NEGR1: variants seen among roughly 807,000 people sequenced by gnomAD.
NEGR1 encodes the protein neuronal growth regulator 1, also known as IgLON family member 4.
In NEGR1, 10 loss-of-function variants were observed where a neutral mutation model predicts 40.9. The ratio of observed to expected loss-of-function variants is 0.24; its 90% CI spans 0.15 to 0.42. NEGR1 has a LOEUF of 0.42. Among genes scored for constraint, NEGR1 ranks in the 10% least tolerant of loss-of-function variants. The pLI, the probability that NEGR1 is intolerant of heterozygous loss-of-function variation, is 1.00. For missense variants in NEGR1, 352 were observed against 438.9 expected (o/e 0.80, Z 1.77); for synonymous variants, 185 against 166.8 (o/e 1.11, Z -0.84).
intron 4 of NEGR1, among the ~76,000 whole-genome samples, chr1:71,683,418 T>G (rs561667288): frequency 3.9e-4 from 56 of 141,786 alleles, no homozygotes; most frequent in African/African-American, 1.5e-3. Context: ...GGTTCTCATT[T>G]CAATTAATTT....
chr1:71,397,782 G>A lies in NEGR1; in HGVS notation c.*9664C>T, dbSNP rs1389817633. 2 of 152,236 alleles carry A rather than the reference G, an allele frequency of 1.3e-5. No individual in the cohort carries two copies. The highest frequency in any genetic ancestry group is 1.3e-4 in the Admixed American group (2 of 15,280). The allele number at this position is 152,236 out of a possible 1,614,324, so 9.4% of individuals were successfully genotyped here. ...GGAGCTGAATGTCACCAAGACAGTGGGGAATATGTCTCCAGGGCACGTCAG... is the reference window on the plus strand; with the variant it reads ...GGAGCTGAATGTCACCAAGACAGTGAGGAATATGTCTCCAGGGCACGTCAG... On this transcript the variant is annotated 3_prime_UTR_variant, in exon 7 of 7. Coordinates refer to ENST00000357731, the MANE Select transcript of NEGR1 (RefSeq NM_173808.3).
chr1:71,785,681 T>C (rs1179158139), intron 2 of NEGR1, among the ~76,000 whole-genome samples: 1 of 152,176 alleles, frequency 6.6e-6, no homozygotes, highest in Non-Finnish European at 1.5e-5. Context: ...GGCAGTGAAC[T>C]ATTTTCCCTA....
intron 1 of NEGR1, among the ~76,000 whole-genome samples, chr1:71,949,705 C>T (rs1646052152): frequency 6.6e-6 from 1 of 152,064 alleles, no homozygotes; most frequent in Non-Finnish European, 1.5e-5. Context: ...ACAGCAATCT[C>T]TGGATTTCCT....
chr1:71,577,196 T>C (rs949408548), intron 6 of NEGR1, among the ~76,000 whole-genome samples: 2 of 152,236 alleles, frequency 1.3e-5, no homozygotes, highest in Non-Finnish European at 2.9e-5. Context: ...TCTCAGAATA[T>C]TCCTGCCTTT....
intron 4 of NEGR1, among the ~76,000 whole-genome samples, chr1:71,613,543 G>A (rs1268480373): frequency 6.6e-6 from 1 of 151,944 alleles, no homozygotes; most frequent in Non-Finnish European, 1.5e-5. Flanking sequence ...GCTGAAGCGG[G>A]AGGCTTGGGA....
intron 6 of NEGR1, among the ~76,000 whole-genome samples, chr1:71,561,551 T>C (rs1359403398): frequency 1.3e-5 from 2 of 151,758 alleles, no homozygotes; most frequent in Admixed American, 6.6e-5. Flanking sequence ...TTTGAAGAGA[T>C]AATTGCAAAA....
chr1:71,508,738 C>T (rs1015321573), intron 6 of NEGR1, among the ~76,000 whole-genome samples: 2 of 152,096 alleles, frequency 1.3e-5, no homozygotes, highest in South Asian at 2.1e-4. Flanking sequence ...ACAGTAAACA[C>T]GGGGTGGGTA....
Position 71,696,096 on chromosome 1 carries a change from CT to C in NEGR1, c.667+1911del, listed in dbSNP as rs951726081. On this transcript the variant is annotated intron_variant, in intron 4 of 6. Transcript: ENST00000357731. Reference sequence around the variant, plus strand: ...GTCTTTGTCCACTGTATCCATGAAACTGCTGTAGACTCTTCAGCGTTCCTGG... The same window carrying C: ...GTCTTTGTCCACTGTATCCATGAAACGCTGTAGACTCTTCAGCGTTCCTGG... Among the ~76,000 whole-genome samples, 5 of 151,700 alleles carry C rather than the reference CT, an allele frequency of 3.3e-5. No homozygotes were observed. The Admixed American group carries it at 3.3e-4, about 10-fold the overall frequency.
At chr1:71,988,580 G>T (rs1441714301) in intron 1 of NEGR1, among the ~76,000 whole-genome samples, 1 of 145,996 alleles carries the variant, frequency 6.8e-6, no homozygotes, top group African/African-American at 2.5e-5. Context: ...GAGTAAAGGA[G>T]AGAAATAAGA....
chr1:71,971,566 G>A (rs1646256901), intron 1 of NEGR1, among the ~76,000 whole-genome samples: 1 of 152,150 alleles, frequency 6.6e-6, no homozygotes, highest in Non-Finnish European at 1.5e-5. Context: ...AAGTGCTGTT[G>A]TAAGTTAAAG....
At chr1:71,899,380 G>T (rs538156284) in intron 2 of NEGR1, among the ~76,000 whole-genome samples, 1 of 152,130 alleles carries the variant, frequency 6.6e-6, no homozygotes, top group South Asian at 2.1e-4. Flanking sequence ...AGATGGGAAG[G>T]CAGATAGGAA....
At chr1:72,135,260 C>T (rs1011497955) in intron 1 of NEGR1, among the ~76,000 whole-genome samples, 15 of 149,600 alleles carry the variant, frequency 1.0e-4, no homozygotes, top group African/African-American at 3.4e-4. Flanking sequence ...CCTGTAGTCC[C>T]AGCTACTCGG....
intron 2 of NEGR1, among the ~76,000 whole-genome samples, chr1:71,918,141 C>T (rs1181146488): frequency 7.4e-6 from 1 of 135,788 alleles, no homozygotes; most frequent in Non-Finnish European, 1.5e-5. Context: ...GGCGTGAACC[C>T]GGGAGGCAGA....
chr1:72,166,993 T>C (rs1017310676), intron 1 of NEGR1, among the ~76,000 whole-genome samples: 1 of 152,036 alleles, frequency 6.6e-6, no homozygotes, highest in African/African-American at 2.4e-5. Flanking sequence ...TGGCCAGTAG[T>C]GGTCAAGTGA....
rs769061210 is a variant in NEGR1 at position 71,656,443 on chromosome 1, G to C, written c.667+41565C>G. Reference sequence around the variant, plus strand: ...GTTGTTGTTGTTTGAGACGGAGTCTGGCTCTGTCGCCCAAGCTGGAGTGCA... The same window carrying C: ...GTTGTTGTTGTTTGAGACGGAGTCTCGCTCTGTCGCCCAAGCTGGAGTGCA... On this transcript the variant is annotated intron_variant, in intron 4 of 6. Transcript: ENST00000357731. Among the ~76,000 whole-genome samples the C allele has an allele frequency of 3.3e-5, 5 of 152,128 alleles. No individual in the cohort carries two copies. The East Asian group carries it at 7.8e-4, about 24-fold the overall frequency.
At chr1:71,923,426 T>A (rs2101885070) in intron 2 of NEGR1, among the ~76,000 whole-genome samples, 1 of 152,112 alleles carries the variant, frequency 6.6e-6, no homozygotes, top group African/African-American at 2.4e-5. Flanking sequence ...ATGTCAATAG[T>A]ACTGAGGTTA....
intron 1 of NEGR1, among the ~76,000 whole-genome samples, chr1:72,023,508 C>G (rs906364566): frequency 1.3e-5 from 2 of 151,618 alleles, no homozygotes; most frequent in Admixed American, 1.3e-4. Flanking sequence ...GCCCAACCAG[C>G]CTGTTTTTGT....
chr1:72,249,270 T>C (rs1277255808), intron 1 of NEGR1, among the ~76,000 whole-genome samples: 2 of 152,238 alleles, frequency 1.3e-5, no homozygotes, highest in South Asian at 2.1e-4. Flanking sequence ...GGAACCTTGA[T>C]AGTGAACTTC....
rs1266923343 is a variant in NEGR1 at position 72,248,493 on chromosome 1, G to C, written c.176+33826C>G. ...GGCTGGTCCCGATCTCCTGACCTCA[G>C]GTGATCCACCCATCTCAGCCTCTCA... On this transcript the variant is annotated intron_variant, in intron 1 of 6. Coordinates refer to ENST00000357731, the MANE Select transcript of NEGR1 (RefSeq NM_173808.3). Among the ~76,000 whole-genome samples the C allele has an allele frequency of 2.6e-5, 4 of 151,606 alleles. No homozygotes were observed. The South Asian group carries it at 8.3e-4, about 32-fold the overall frequency.
Sources: allele counts gnomAD v4.1 joint callset (sites outside exome capture counted in the v4.1 genomes callset), GRCh38; gene constraint gnomAD v4.1.1; transcripts MANE v1.5; gene names NCBI Gene and HGNC (gene_info 2026-07-23, HGNC 2026-07-21).